KIDINS220: variants seen among roughly 807,000 people sequenced by gnomAD.
The protein encoded by KIDINS220 is kinase D interacting substrate 220, also known as kinase D-interacting substrate of 220 kDa.
A neutral mutation model predicts 157.6 loss-of-function variants in KIDINS220; 63 were observed. The ratio of observed to expected loss-of-function variants is 0.40; its 90% confidence interval spans 0.33 to 0.49. The LOEUF (loss-of-function observed/expected upper bound fraction) is 0.49. Among genes scored for constraint, KIDINS220 ranks in the 20% least tolerant of loss-of-function variants. The pLI is 0.66. For missense variants in KIDINS220, 1,772 were observed against 2,171.2 expected, an observed-to-expected ratio of 0.82 and a Z score of 3.65; for synonymous variants, 732 against 783.6, an observed-to-expected ratio of 0.93 and a Z score of 1.10.
chr2:8,775,484 A>T (rs1175042959), intron 21 of KIDINS220, among the ~76,000 whole-genome samples: 3 of 152,144 alleles, frequency 2.0e-5, no homozygotes, highest in African/African-American at 7.2e-5. Context: ...AAAGGAGGAA[A>T]ATTTTTCAAA....
chr2:8,832,922 A>G (rs917574699), intron 1 of KIDINS220, among the ~76,000 whole-genome samples: 4 of 152,058 alleles, frequency 2.6e-5, no homozygotes. Context: ...ATACATAATA[A>G]TTGTACATGT....
chr2:8,806,958 C>T (rs956773544), intron 6 of KIDINS220, among the ~76,000 whole-genome samples: 8 of 152,158 alleles, frequency 5.3e-5, no homozygotes, highest in African/African-American at 1.2e-4. Flanking sequence ...AAGCTTTCAT[C>T]GCTTCCCATA....
chr2:8,828,297 C>T (rs1679118129), intron 1 of KIDINS220, among the ~76,000 whole-genome samples: 1 of 152,196 alleles, frequency 6.6e-6, no homozygotes, highest in Non-Finnish European at 1.5e-5. Context: ...GTCAGGTCAC[C>T]TGGTTACAAA....
intron 28 of KIDINS220, among the ~76,000 whole-genome samples, chr2:8,734,420 A>G (rs973044427): frequency 6.6e-6 from 1 of 152,174 alleles, no homozygotes; most frequent in African/African-American, 2.4e-5. Flanking sequence ...CTCTTCCCCA[A>G]ATCTCTGAGT....
At chr2:8,777,153 G>T (rs1330855178) in intron 20 of KIDINS220, among the ~76,000 whole-genome samples, 2 of 152,170 alleles carry the variant, frequency 1.3e-5, no homozygotes, top group Admixed American at 6.5e-5. Flanking sequence ...GTTAGAGGAA[G>T]CTCAATGCTT....
chr2:8,829,008 C>T (rs1202402715), intron 1 of KIDINS220, among the ~76,000 whole-genome samples: 2 of 152,164 alleles, frequency 1.3e-5, no homozygotes, highest in African/African-American at 4.8e-5. Flanking sequence ...TTGGGGAGGC[C>T]TTGCGATGGA....
At chr2:8,781,541 A>G (rs1671728878) in intron 17 of KIDINS220, among the ~76,000 whole-genome samples, 1 of 152,188 alleles carries the variant, frequency 6.6e-6, no homozygotes. Flanking sequence ...GCCATAACAA[A>G]TTTAAAATAG....
chr2:8,789,432 C>T (rs1672879031), intron 14 of KIDINS220, among the ~76,000 whole-genome samples: 2 of 151,756 alleles, frequency 1.3e-5, no homozygotes, highest in African/African-American at 2.4e-5. Flanking sequence ...GGACTACAGG[C>T]GCCCGCCATC....
chr2:8,813,177 A>T, intron 5 of KIDINS220, 60 bp downstream of exon 5: 1 of 1,084,794 alleles, frequency 9.2e-7, no homozygotes, highest in South Asian at 1.4e-5. Flanking sequence ...ATCAACCTTA[A>T]GTATTCCCTA....
intron 11 of KIDINS220, among the ~76,000 whole-genome samples, chr2:8,796,204 T>C (rs1374428384): frequency 1.3e-5 from 2 of 152,194 alleles, no homozygotes; most frequent in African/African-American, 2.4e-5. Flanking sequence ...TCAGTTCACT[T>C]CTATCCTGGG....
chr2:8,762,757 AG>A (rs1274527797), intron 22 of KIDINS220, among the ~76,000 whole-genome samples: 1 of 152,068 alleles, frequency 6.6e-6, no homozygotes, highest in Non-Finnish European at 1.5e-5. Flanking sequence ...ACAAAAAAGA[AG>A]AAAAGAAAAG....
intron 22 of KIDINS220, chr2:8,757,562 C>A: frequency 6.6e-7 from 1 of 1,508,274 alleles, no homozygotes; most frequent in South Asian, 1.3e-5. Context: ...CTCATGAAGG[C>A]CAGTACCTCT....
At chr2:8,802,810 A>C in intron 8 of KIDINS220, 120 bp downstream of exon 8, 1 of 731,916 alleles carries the variant, frequency 1.4e-6, no homozygotes, top group Non-Finnish European at 2.2e-6. Flanking sequence ...CAAAGGCAGA[A>C]ATAAACTTAT....
At chr2:8,750,803 C>T (rs1035497527) in intron 23 of KIDINS220, among the ~76,000 whole-genome samples, 2 of 152,142 alleles carry the variant, frequency 1.3e-5, no homozygotes, top group African/African-American at 4.8e-5. Flanking sequence ...TGACATCAGC[C>T]TTGTAACAGG....
At chr2:8,820,566 C>T (rs180800370) in intron 2 of KIDINS220, among the ~76,000 whole-genome samples, 41 of 152,230 alleles carry the variant, frequency 2.7e-4, no homozygotes, top group Non-Finnish European at 1.5e-4. Context: ...GTATCGGTCA[C>T]GTTAAATATA....
chr2:8,819,382 C>T (rs919929840), intron 2 of KIDINS220, among the ~76,000 whole-genome samples: 4 of 152,170 alleles, frequency 2.6e-5, no homozygotes, highest in Non-Finnish European at 5.9e-5. Flanking sequence ...AGTACAGAGA[C>T]GATGCTCCCT....
chr2:8,746,586 T>A (rs1666612672), intron 26 of KIDINS220: 1 of 152,062 alleles, frequency 6.6e-6, no homozygotes, highest in African/African-American at 2.4e-5. Flanking sequence ...GGAAAATTTA[T>A]TTTAACAAAT....
chr2:8,790,396 T>C (rs573100641), intron 13 of KIDINS220, among the ~76,000 whole-genome samples: 1 of 152,344 alleles, frequency 6.6e-6, no homozygotes, highest in African/African-American at 2.4e-5. Context: ...ATTATGCATA[T>C]GCATATTGTT....
At chr2:8,755,664 T>C (rs963574706) in intron 22 of KIDINS220, among the ~76,000 whole-genome samples, 3 of 152,210 alleles carry the variant, frequency 2.0e-5, no homozygotes, top group African/African-American at 7.2e-5. Flanking sequence ...GTACATGGTG[T>C]GGGGTAGGGG....
Sources: allele counts gnomAD v4.1 joint callset (sites outside exome capture counted in the v4.1 genomes callset), GRCh38; gene constraint gnomAD v4.1.1; transcripts MANE v1.5; gene names NCBI Gene and HGNC (gene_info 2026-07-23, HGNC 2026-07-21).